The following GNG7 variants were observed in gnomAD, a reference collection of about 807,000 sequenced individuals.
GNG7 encodes the protein guanine nucleotide-binding protein G(I)/G(S)/G(O) subunit gamma-7.
A neutral mutation model predicts 4.0 loss-of-function variants in GNG7; 1 was observed. The observed-to-expected ratio is 0.25, with a 90% CI of 0.09 to 1.18. GNG7 has a LOEUF of 1.18. Ranked by LOEUF, GNG7 falls within the 50% of genes most tolerant of loss-of-function variation. The pLI is 0.50. For missense variants in GNG7, 86 were observed against 91.9 expected (o/e 0.94, Z 0.26); for synonymous variants, 34 against 36.9 (o/e 0.92, Z 0.29).
At chr19:2,566,745 G>C (rs1306480397) in intron 2 of GNG7, among the ~76,000 whole-genome samples, 1 of 152,198 alleles carries the variant, frequency 6.6e-6, no homozygotes, top group Non-Finnish European at 1.5e-5. Flanking sequence ...AGAGGCAGGA[G>C]AGGCTGCTGT....
chr19:2,682,447 G>A (rs1471073120), intron 1 of GNG7, among the ~76,000 whole-genome samples: 3 of 151,374 alleles, frequency 2.0e-5, no homozygotes, highest in Non-Finnish European at 2.9e-5. Context: ...GGCGGATCAC[G>A]AGGTCAGGAG....
chr19:2,581,733 C>T (rs940823701), intron 2 of GNG7, among the ~76,000 whole-genome samples: 2 of 152,204 alleles, frequency 1.3e-5, no homozygotes, highest in African/African-American at 2.4e-5. Flanking sequence ...GTTGAAACAA[C>T]GCATGAACCG....
intron 1 of GNG7, among the ~76,000 whole-genome samples, chr19:2,673,148 T>G (rs1249928220): frequency 6.6e-6 from 1 of 151,316 alleles, no homozygotes; most frequent in Non-Finnish European, 1.5e-5. Flanking sequence ...TCCCAGCTAC[T>G]CAGGAGGGTG....
At chr19:2,549,164 G>A (rs780742036) in intron 3 of GNG7, among the ~76,000 whole-genome samples, 1 of 152,180 alleles carries the variant, frequency 6.6e-6, no homozygotes, top group Non-Finnish European at 1.5e-5. Flanking sequence ...ACTGTGTCTG[G>A]CTCAACGCTC....
chr19:2,605,069 A>G (rs1981336549), intron 2 of GNG7, among the ~76,000 whole-genome samples: 1 of 152,204 alleles, frequency 6.6e-6, no homozygotes, highest in South Asian at 2.1e-4. Context: ...TGGAGGCTCC[A>G]GGGGAGGATC....
chr19:2,537,678 G>T (rs1348140475), intron 3 of GNG7, among the ~76,000 whole-genome samples: 1 of 151,670 alleles, frequency 6.6e-6, no homozygotes, highest in African/African-American at 2.4e-5. Context: ...TGGAGTGGGG[G>T]TTGTGGTGAA....
intron 1 of GNG7, among the ~76,000 whole-genome samples, chr19:2,663,699 G>A (rs1051396269): frequency 6.6e-6 from 1 of 152,180 alleles, no homozygotes; most frequent in African/African-American, 2.4e-5. Context: ...GGGCAAATCA[G>A]AAGAATGACC....
Position 2,633,499 on chromosome 19 carries a change from A to ACGCG in GNG7, c.-78+12724_-78+12725insCGCG, listed in dbSNP as rs1568268792. 1.2e-4 allele frequency among the ~76,000 whole-genome samples: 16 copies of ACGCG among 135,896 alleles called. No individual in the cohort carries two copies. The highest frequency in any genetic ancestry group is 4.6e-4 in the African/African-American group (15 of 32,440). 89.2% of individuals were successfully genotyped at this position (135,896 alleles called of 152,430 possible). On this transcript the variant is annotated intron_variant, in intron 2 of 4. Coordinates refer to ENST00000382159, the MANE Select transcript of GNG7 (RefSeq NM_052847.3). This position sits in a 1 kb window ranked among gnomAD's most constrained non-coding sequence, Gnocchi z 5.9. ...CGCGCGCGCGCGCGCACACACACAC[A>ACGCG]CACACACACACACACACACACACAC...
At chr19:2,608,206 C>T (rs904941376) in intron 2 of GNG7, among the ~76,000 whole-genome samples, 1 of 151,842 alleles carries the variant, frequency 6.6e-6, no homozygotes, top group Non-Finnish European at 1.5e-5. Context: ...TCACAGGTGG[C>T]GAAGCGTGGG....
rs759171064 is a variant in GNG7 at position 2,512,555 on chromosome 19, C to T, written c.*2467G>A. 3.1e-5 allele frequency: 6 copies of T among 195,202 alleles called. No homozygotes were observed. The highest frequency in any genetic ancestry group is 5.6e-5 in the Non-Finnish European group (6 of 107,542). The allele number at this position is 195,202 out of a possible 1,614,324, so 12.1% of individuals were successfully genotyped here. A position where few individuals can be genotyped will look rare whatever the true frequency, so the allele number is the denominator to read the frequency against. On this transcript the variant is annotated 3_prime_UTR_variant, in exon 5 of 5. Coordinates refer to ENST00000382159, the MANE Select transcript of GNG7 (RefSeq NM_052847.3). This position sits in a 1 kb window ranked among gnomAD's most constrained non-coding sequence, Gnocchi z 4.7. ...CTCAGTTTACCTGGAACGCTCAGCCCGTTTAACCCCACCATCTGCACCAGC... is the reference window on the plus strand; with the variant it reads ...CTCAGTTTACCTGGAACGCTCAGCCTGTTTAACCCCACCATCTGCACCAGC...
At chr19:2,657,343 AAAAAAAAAAAAAAAAAAAATATAT>A (rs1465667671) in intron 1 of GNG7, among the ~76,000 whole-genome samples, 2 of 12,964 alleles carry the variant, frequency 1.5e-4, no homozygotes, top group Admixed American at 1.6e-3. Context: ...CAATTAAAAA[AAAAAAAAAAAAAAAAAAAATATAT>A]ATATATATAT....
intron 2 of GNG7, among the ~76,000 whole-genome samples, chr19:2,620,831 G>C (rs1390255932): frequency 2.0e-5 from 3 of 152,194 alleles, no homozygotes; most frequent in Admixed American, 2.0e-4. Flanking sequence ...AACAGAGCAA[G>C]ACAGCTCTGT....
At chr19:2,637,161 C>T (rs1041015463) in intron 2 of GNG7, among the ~76,000 whole-genome samples, 1 of 151,984 alleles carries the variant, frequency 6.6e-6, no homozygotes, top group African/African-American at 2.4e-5. Flanking sequence ...TGGCCGCCAG[C>T]GGTAACAGCA....
At chr19:2,657,325 C>A (rs1432982409) in intron 1 of GNG7, among the ~76,000 whole-genome samples, 4 of 100,558 alleles carry the variant, frequency 4.0e-5, no homozygotes, top group African/African-American at 8.3e-5. Flanking sequence ...CAAAGCAAGA[C>A]CCCGTCTCAA....
chr19:2,610,141 C>A (rs963427855), intron 2 of GNG7: 14 of 150,598 alleles, frequency 9.3e-5, no homozygotes, highest in African/African-American at 2.5e-4. Context: ...CAAAGACCTT[C>A]TTTATTTATT....
intron 2 of GNG7, among the ~76,000 whole-genome samples, chr19:2,570,948 C>T (rs1221080465): frequency 6.7e-6 from 1 of 149,616 alleles, no homozygotes; most frequent in Non-Finnish European, 1.5e-5. Context: ...CATGTGCACG[C>T]CACCACGCCT....
chr19:2,515,164 G>A lies in GNG7; in HGVS notation c.82-17C>T, dbSNP rs766374299. 1.9e-6 allele frequency: 3 copies of A among 1,613,358 alleles called. No homozygotes were observed. Among genetic ancestry groups the A allele is most frequent in the Non-Finnish European group, 2.5e-6 (3 of 1,179,948 alleles). On this transcript the variant is annotated splice_polypyrimidine_tract_variant and intron_variant, in intron 4 of 4. Coordinates refer to ENST00000382159, the MANE Select transcript of GNG7 (RefSeq NM_052847.3). ...TTTGGAGACCTGTGTTTGAGCACAA[G>A]GAGGAGACAGAGGAGACATAAGAAG...
rs375634115 is a variant in GNG7, at chr19:2,566,240, T to C, written c.-77-11052A>G. On this transcript the variant is annotated intron_variant, in intron 2 of 4. Transcript: ENST00000382159. The stretch of plus-strand genomic sequence containing the variant: ...TGCACACGGGAGGGAGAATGCTGTA[T>C]AGATAGGAGATTGGGGTGACAAGGC... Among the ~76,000 whole-genome samples, 48 of 152,134 alleles carry C rather than the reference T, an allele frequency of 3.2e-4. No homozygotes were observed. The East Asian group carries it at 5.4e-3, about 17-fold the overall frequency.
chr19:2,575,461 G>GGACACGCAGGCACACGCAGGCACATGCA (rs1980278439), intron 2 of GNG7, among the ~76,000 whole-genome samples: 1 of 152,066 alleles, frequency 6.6e-6, no homozygotes. Context: ...CAGGGCGTGT[G>GGACACGCAGGCACACGCAGGCACATGCA]GACACGCAGG....
Sources: gnomAD v4.1 joint callset for allele counts (sites outside exome capture counted in the v4.1 genomes callset) on GRCh38, gnomAD v4.1.1 for gene constraint, Gnocchi (gnomAD v3.1) non-coding constraint, MANE v1.5 for transcripts, NCBI Gene and HGNC (gene_info 2026-07-23, HGNC 2026-07-21) for gene names.